The following JAK2 variants were observed in gnomAD, a reference collection of about 807,000 sequenced individuals.
JAK2 encodes the protein Janus kinase 2, also known as tyrosine-protein kinase JAK2.
Under a neutral mutation model 139.3 loss-of-function variants are expected in JAK2, and 86 were observed. The observed-to-expected ratio is 0.62, with a 90% confidence interval of 0.52 to 0.74. The LOEUF (loss-of-function observed/expected upper bound fraction) is 0.74. Among genes scored for constraint, JAK2 ranks in the 30% least tolerant of loss-of-function variants. The pLI, the probability that JAK2 is intolerant of heterozygous loss-of-function variation, is 0.00. For synonymous variants in JAK2, 490 were observed against 437.7 expected, an observed-to-expected ratio of 1.12 and a Z score of -1.49; for missense variants, 1,421 against 1,360.3, an observed-to-expected ratio of 1.04 and a Z score of -0.70.
rs1301298408 is a variant in JAK2, at chr9:5,051,167, T to C, written c.614+336T>C. On this transcript the variant is annotated intron_variant, in intron 6 of 24. Transcript: ENST00000381652. ...ATAGTCAACCTATAATAAAAAATCA[T>C]ATGGGTAAGTTTTATATCTTGGGAG... Among the ~76,000 whole-genome samples the C allele has an allele frequency of 2.6e-5, 4 of 152,180 alleles. No individual in the cohort carries two copies. In the East Asian group the frequency reaches 5.8e-4, roughly 22 times the overall value.
intron 22 of JAK2, among the ~76,000 whole-genome samples, chr9:5,117,957 C>T (rs1389107752): frequency 1.3e-5 from 2 of 152,162 alleles, no homozygotes; most frequent in Non-Finnish European, 2.9e-5. Context: ...AAACCACATC[C>T]TCTTACACAT....
At chr9:4,997,216 AG>A (rs1457660096) in intron 2 of JAK2, among the ~76,000 whole-genome samples, 5 of 151,830 alleles carry the variant, frequency 3.3e-5, no homozygotes, top group African/African-American at 1.2e-4. Context: ...ATGGTTCTGG[AG>A]CCACCGCGCA....
At chr9:5,035,596 C>T (rs528641012) in intron 4 of JAK2, among the ~76,000 whole-genome samples, 102 of 152,276 alleles carry the variant, frequency 6.7e-4, no homozygotes, top group Admixed American at 1.1e-3. Flanking sequence ...AATCAATAAA[C>T]GTAATCCAGC....
chr9:5,111,109 T>C, intron 22 of JAK2: 1 of 1,218,258 alleles, frequency 8.2e-7, no homozygotes, highest in South Asian at 1.3e-5. Context: ...CCAGAACAGC[T>C]CCTCCTTTGA....
chr9:4,987,995 C>G (rs1442778136), intron 2 of JAK2, among the ~76,000 whole-genome samples: 1 of 152,142 alleles, frequency 6.6e-6, no homozygotes, highest in Non-Finnish European at 1.5e-5. Context: ...ACTTCAAGGT[C>G]TTAAACTGGT....
intron 22 of JAK2, chr9:5,098,254 C>G (rs1270091606): frequency 6.6e-6 from 1 of 152,118 alleles, no homozygotes; most frequent in Non-Finnish European, 1.5e-5. Flanking sequence ...CAATCAAAAA[C>G]CTCTGTGACT....
chr9:5,097,287 A>G (rs914860271), intron 22 of JAK2: 2 of 152,058 alleles, frequency 1.3e-5, no homozygotes, highest in Non-Finnish European at 2.9e-5. Flanking sequence ...CACAATATTA[A>G]CTGACCGTAA....
intron 2 of JAK2, among the ~76,000 whole-genome samples, chr9:5,019,001 A>T (rs963223766): frequency 6.6e-6 from 1 of 152,104 alleles, no homozygotes; most frequent in Non-Finnish European, 1.5e-5. Flanking sequence ...GTCTTTGACA[A>T]ACTGTTGACA....
chr9:5,046,265 T>G (rs1817002311), intron 5 of JAK2, among the ~76,000 whole-genome samples: 1 of 152,130 alleles, frequency 6.6e-6, no homozygotes, highest in Non-Finnish European at 1.5e-5. Context: ...AATCAGGTTG[T>G]TTGTTTGTTG....
intron 9 of JAK2, among the ~76,000 whole-genome samples, chr9:5,065,394 G>A (rs906703425): frequency 2.6e-5 from 4 of 152,114 alleles, no homozygotes; most frequent in Admixed American, 6.5e-5. Context: ...AATTCTTTAT[G>A]TTTGGATAGT....
chr9:5,049,550 T>A (rs891110256), intron 5 of JAK2, among the ~76,000 whole-genome samples: 1 of 152,216 alleles, frequency 6.6e-6, no homozygotes, highest in Non-Finnish European at 1.5e-5. Flanking sequence ...AATCTTAACT[T>A]TCTCCAAGTT....
intron 15 of JAK2, among the ~76,000 whole-genome samples, chr9:5,077,958 A>T (rs1476863321): frequency 6.6e-6 from 1 of 152,220 alleles, no homozygotes; most frequent in Non-Finnish European, 1.5e-5. Flanking sequence ...ACTGCCAGTC[A>T]TCAGACCCCT....
chr9:5,044,049 A>C (rs1401146840), intron 4 of JAK2, among the ~76,000 whole-genome samples: 1 of 152,216 alleles, frequency 6.6e-6, no homozygotes. Context: ...CAAATAAGCA[A>C]TTATTTGTTT....
At chr9:5,121,455 C>T (rs191429849) in intron 22 of JAK2, among the ~76,000 whole-genome samples, 18 of 152,258 alleles carry the variant, frequency 1.2e-4, no homozygotes, top group Admixed American at 1.0e-3. Context: ...AAGGAAAATA[C>T]ACTTTTCATA....
intron 4 of JAK2, among the ~76,000 whole-genome samples, chr9:5,036,987 A>G (rs1030435072): frequency 3.9e-5 from 6 of 152,236 alleles, no homozygotes; most frequent in Non-Finnish European, 7.3e-5. Context: ...AATATCCAGA[A>G]TATACAATGA....
At chr9:4,993,130 T>C (rs1307205459) in intron 2 of JAK2, among the ~76,000 whole-genome samples, 1 of 152,180 alleles carries the variant, frequency 6.6e-6, no homozygotes, top group Admixed American at 6.5e-5. Context: ...ACTTCCTGTG[T>C]GTAAGTTTAT....
intron 19 of JAK2, among the ~76,000 whole-genome samples, chr9:5,087,137 G>C (rs536429774): frequency 1.3e-5 from 2 of 152,102 alleles, no homozygotes. Flanking sequence ...CTGTTCTCAC[G>C]CTGCAAATAA....
intron 2 of JAK2, among the ~76,000 whole-genome samples, chr9:4,996,459 T>A (rs1820567169): frequency 6.6e-6 from 1 of 151,724 alleles, no homozygotes; most frequent in Admixed American, 6.6e-5. Context: ...AAAAAATAAA[T>A]AAATAAATAA....
At chr9:5,109,747 A>G (rs1435713496) in intron 22 of JAK2, 1 of 152,186 alleles carries the variant, frequency 6.6e-6, no homozygotes, top group Admixed American at 6.5e-5. Context: ...CATAATATTT[A>G]TTCTAGTAGC....
Sources: gnomAD v4.1 joint callset for allele counts (sites outside exome capture counted in the v4.1 genomes callset) on GRCh38, gnomAD v4.1.1 for gene constraint, MANE v1.5 for transcripts, NCBI Gene and HGNC (gene_info 2026-07-23, HGNC 2026-07-21) for gene names.